Variants in TEC observed in about 807,000 individuals in gnomAD.
The protein encoded by TEC is tec protein tyrosine kinase.
A neutral mutation model predicts 93.0 loss-of-function variants in TEC; 72 were observed. The observed-to-expected ratio is 0.77, with a 90% CI of 0.64 to 0.94. TEC has a LOEUF of 0.94. Among genes scored for constraint, TEC ranks in the 40% least tolerant of loss-of-function variants. The pLI, the probability that TEC is intolerant of heterozygous loss-of-function variation, is 0.00. For synonymous variants in TEC, 249 were observed against 247.7 expected (o/e 1.01, Z -0.05); for missense variants, 630 against 757.9 (o/e 0.83, Z 1.98).
intron 1 of TEC, among the ~76,000 whole-genome samples, chr4:48,252,524 G>T (rs1363285115): frequency 6.6e-6 from 1 of 152,168 alleles, no homozygotes; most frequent in Non-Finnish European, 1.5e-5. Flanking sequence ...GTGATCTTGG[G>T]TGAGTCACCA....
At chr4:48,145,625 T>A in intron 12 of TEC, 46 bp from the exon 13 acceptor site, 1 of 1,599,314 alleles carries the variant, frequency 6.3e-7, no homozygotes, top group South Asian at 1.1e-5. Context: ...AAGGAAAATG[T>A]AGCATGAATC....
chr4:48,255,336 C>T (rs987223451), intron 1 of TEC, among the ~76,000 whole-genome samples: 2 of 152,156 alleles, frequency 1.3e-5, no homozygotes, highest in African/African-American at 4.8e-5. Flanking sequence ...TAAATGCCAG[C>T]AGAAGAGTCC....
intron 2 of TEC, among the ~76,000 whole-genome samples, chr4:48,194,406 C>T (rs1722214070): frequency 3.3e-5 from 5 of 152,220 alleles, no homozygotes; most frequent in Admixed American, 3.3e-4. Flanking sequence ...AAATCAGCTG[C>T]TACTTAGCCC....
chr4:48,157,871 C>CGA (rs1218028779), intron 8 of TEC, among the ~76,000 whole-genome samples: 1 of 152,172 alleles, frequency 6.6e-6, no homozygotes, highest in Admixed American at 6.5e-5. Flanking sequence ...CATTAACCAC[C>CGA]TCATCCTCAG....
intron 8 of TEC, among the ~76,000 whole-genome samples, chr4:48,163,296 A>G (rs908001033): frequency 6.6e-6 from 1 of 152,224 alleles, no homozygotes; most frequent in African/African-American, 2.4e-5. Context: ...AAAGATTGAA[A>G]GGAAATATAC....
rs960079896 is a variant in TEC at position 48,186,583 on chromosome 4, C to T, written c.139-10397G>A. On this transcript the variant is annotated intron_variant, in intron 2 of 17. Transcript: ENST00000381501. The stretch of plus-strand genomic sequence containing the variant: ...GAGGTGAGGAGCGTCTCCGCCCGGC[C>T]GCCCCGTCTGAGAAGTGAGGAGCCC... Among the ~76,000 whole-genome samples the T allele has an allele frequency of 1.5e-4, 23 of 150,764 alleles. No individual in the cohort carries two copies. In the Middle Eastern group the frequency reaches 0.011, roughly 72 times the overall value.
In TEC at chr4:48,181,221, T is replaced by G. The variant is rs993877746; in HGVS notation, c.139-5035A>C. 1.3e-4 allele frequency among the ~76,000 whole-genome samples: 20 copies of G among 152,210 alleles called. 1 individual carries two copies. Among genetic ancestry groups the G allele is most frequent in the Admixed American group, 1.3e-3 (20 of 15,278 alleles). ...TCCAGAACTCAGAAATGCTTAGCACTGTCTTTATAGATAAAGACAATTCTG... is the reference window on the plus strand; with the variant it reads ...TCCAGAACTCAGAAATGCTTAGCACGGTCTTTATAGATAAAGACAATTCTG... On this transcript the variant is annotated intron_variant, in intron 2 of 17. Transcript: ENST00000381501.
chr4:48,236,342 C>A (rs2664025), intron 1 of TEC, among the ~76,000 whole-genome samples: 1 of 151,258 alleles, frequency 6.6e-6, no homozygotes, highest in African/African-American at 2.4e-5. Context: ...AGTGCAGTGG[C>A]GCAATCTCGG....
intron 1 of TEC, among the ~76,000 whole-genome samples, chr4:48,242,622 A>G (rs1235827355): frequency 2.0e-5 from 3 of 152,200 alleles, no homozygotes; most frequent in Non-Finnish European, 4.4e-5. Flanking sequence ...ATAAGTTAAC[A>G]AACAACTTAC....
At chr4:48,235,141 A>G (rs1320615808) in intron 1 of TEC, among the ~76,000 whole-genome samples, 1 of 152,138 alleles carries the variant, frequency 6.6e-6, no homozygotes, top group East Asian at 1.9e-4. Flanking sequence ...AGATTAAAAC[A>G]GAGGGGACTT....
chr4:48,154,812 A>G (rs748427228), intron 9 of TEC, among the ~76,000 whole-genome samples: 2 of 152,208 alleles, frequency 1.3e-5, no homozygotes, highest in Admixed American at 6.5e-5. Context: ...TTAATACAAC[A>G]CTATTGAAGG....
At position 48,228,484 on chromosome 4, in the gene TEC, C is replaced by T. The variant is rs35374286; in HGVS notation, c.131G>A (p.Arg44Gln). The T allele has an allele frequency of 3.7e-6, 6 of 1,601,732 alleles. No individual in the cohort carries two copies. In the East Asian group the frequency reaches 6.8e-5, roughly 18 times the overall value. The change falls in exon 2 of 18, where the codon CGA becomes CAA. Residue 44 changes from arginine (R) to glutamine (Q), a missense_variant. This residue lies in a region of TEC where 335 missense variants were observed against 351.5 expected (regional missense o/e 0.95). Coordinates refer to ENST00000381501, the MANE Select transcript of TEC (RefSeq NM_003215.3). ...TKSMLTYYEGRAEKKYRKGFI... is the reference protein window; with the variant it reads ...TKSMLTYYEGQAEKKYRKGFI... ...ATCGTGATTGTCTCTTACCTCTGCT[C>T]GACCCTCATAGTAGGTTAGCATGGA...
At chr4:48,215,134 C>T (rs1245832926) in intron 2 of TEC, among the ~76,000 whole-genome samples, 7 of 152,058 alleles carry the variant, frequency 4.6e-5, no homozygotes, top group South Asian at 4.2e-4. Context: ...GCCTGGGCTA[C>T]GAAGCAAGAC....
chr4:48,190,126 C>G (rs899464037), intron 2 of TEC, among the ~76,000 whole-genome samples: 1 of 152,174 alleles, frequency 6.6e-6, no homozygotes, highest in Non-Finnish European at 1.5e-5. Flanking sequence ...ACTTTTCCTG[C>G]AATTCTAGTG....
intron 2 of TEC, among the ~76,000 whole-genome samples, chr4:48,197,969 T>C (rs1323413691): frequency 6.6e-6 from 1 of 152,166 alleles, no homozygotes. Context: ...CCCTACCCCT[T>C]ATATATACTG....
chr4:48,146,707 A>G (rs1431494545), intron 11 of TEC, among the ~76,000 whole-genome samples: 1 of 152,204 alleles, frequency 6.6e-6, no homozygotes, highest in Non-Finnish European at 1.5e-5. Flanking sequence ...AGGGAATTAG[A>G]TTAGTCTGCT....
rs1300347800 is a variant in TEC at position 48,165,553 on chromosome 4, C to T, written c.672-1786G>A. The stretch of plus-strand genomic sequence containing the variant: ...TTATGACAGAGGAACAAGTCTGACA[C>T]CTGAACCACTAAGCAATCTTAGCAT... On this transcript the variant is annotated intron_variant, in intron 7 of 17. Transcript: ENST00000381501. Among the ~76,000 whole-genome samples the T allele has an allele frequency of 3.3e-5, 5 of 152,102 alleles. No homozygotes were observed. In the East Asian group the frequency reaches 7.7e-4, roughly 23 times the overall value.
intron 5 of TEC, 106 bp downstream of exon 5, chr4:48,170,142 A>G: frequency 3.2e-6 from 3 of 933,452 alleles, no homozygotes; most frequent in South Asian, 2.0e-5. Context: ...TTTTCACTGT[A>G]CTAGAAAGTG....
At chr4:48,146,804 A>C (rs1464515473) in intron 11 of TEC, among the ~76,000 whole-genome samples, 2 of 152,218 alleles carry the variant, frequency 1.3e-5, no homozygotes, top group Non-Finnish European at 2.9e-5. Flanking sequence ...AACTGGGAAT[A>C]CCAACTACTG....
Sources: allele counts gnomAD v4.1 joint callset (sites outside exome capture counted in the v4.1 genomes callset), GRCh38; gene constraint gnomAD v4.1.1; regional missense constraint gnomAD v4.1.1; transcripts MANE v1.5; gene names NCBI Gene and HGNC (gene_info 2026-07-23, HGNC 2026-07-21).